Variants in LCA5L observed in about 807,000 individuals in gnomAD.
The protein encoded by LCA5L is lebercilin-like protein.
LCA5L carries 35 observed loss-of-function variants against 45.4 expected under a neutral mutation model. That is an observed-to-expected ratio of 0.77 (90% CI 0.59 to 1.02). The LOEUF is 1.02. Among genes scored for constraint, LCA5L ranks in the 50% least tolerant of loss-of-function variants. The pLI, the probability that LCA5L is intolerant of heterozygous loss-of-function variation, is 0.00. For missense variants in LCA5L, 668 were observed against 761.6 expected (o/e 0.88, Z 1.45); for synonymous variants, 233 against 264.7 (o/e 0.88, Z 1.16).
chr21:39,426,952 C>CA (rs542286938), intron 5 of LCA5L, among the ~76,000 whole-genome samples: 68 of 152,196 alleles, frequency 4.5e-4, no homozygotes, highest in African/African-American at 1.5e-3. Flanking sequence ...CACATAGACA[C>CA]AAAAAAATGC....
chr21:39,411,095 T>C (rs2040019088), intron 8 of LCA5L: 2 of 343,656 alleles, frequency 5.8e-6, no homozygotes, highest in African/African-American at 2.2e-5. Flanking sequence ...AACACTATGC[T>C]GAACAAAAGC....
At chr21:39,437,251 T>C (rs986850945) in intron 2 of LCA5L, among the ~76,000 whole-genome samples, 2 of 152,182 alleles carry the variant, frequency 1.3e-5, no homozygotes, top group African/African-American at 4.8e-5. Flanking sequence ...TTAAGCTTAA[T>C]GGTGAAACAT....
chr21:39,406,205 CCT>C lies in LCA5L; in HGVS notation c.1688_1689del (p.Glu563GlyfsTer8), dbSNP rs1418528391. ...HSTGKHLSNR[E>X]EMELEHSDSG... The stretch of plus-strand genomic sequence containing the variant: ...CTGTCAGAATGCTCTAGCTCCATTT[CCT>C]CTCTGTTACTGAGATGCTTGCCTGT... On this transcript the variant is annotated frameshift_variant, in exon 11 of 11. Transcript: ENST00000288350. LOFTEE classifies it low-confidence loss of function (END_TRUNC). 3 of 1,614,132 alleles carry C rather than the reference CCT, an allele frequency of 1.9e-6. No individual in the cohort carries two copies. Among genetic ancestry groups the C allele is most frequent in the Admixed American group, 3.3e-5 (2 of 60,010 alleles).
At position 39,410,002 on chromosome 21, in the gene LCA5L, T is replaced by C; in HGVS notation, c.1259A>G (p.Glu420Gly). Residue 420 changes from glutamate (E) to glycine (G), a missense_variant, in exon 10 of 11, where the codon GAG (glutamate) becomes GGG (glycine). Coordinates refer to ENST00000288350, the MANE Select transcript of LCA5L (RefSeq NM_152505.4). Reference sequence around the variant, plus strand: ...ACCTTCATATTTTCTCTTAGAATCCTCTTGCTTTGGTAGTTTATTCACACA... The same window carrying C: ...ACCTTCATATTTTCTCTTAGAATCCCCTTGCTTTGGTAGTTTATTCACACA... ...PHCVNKLPKQEDSKRKYEDLS... is the reference protein window; with the variant it reads ...PHCVNKLPKQGDSKRKYEDLS... The C allele has an allele frequency of 6.4e-7, 1 of 1,571,210 alleles. No individual in the cohort carries two copies. The highest frequency in any genetic ancestry group is 8.7e-7 in the Non-Finnish European group (1 of 1,143,682).
At position 39,406,603 on chromosome 21, in the gene LCA5L, C is replaced by T; in HGVS notation, c.1292G>A (p.Gly431Glu). ...DSKRKYEDLS[G>E]EEKHLEVQIL... The stretch of plus-strand genomic sequence containing the variant: ...TTGGACTTCCAAATGTTTCTCTTCC[C>T]CTGATAAATCTATATTAGAAAAATA... Residue 431 changes from glycine (G) to glutamate (E), a missense_variant, in exon 11 of 11, where the codon GGG (glycine) becomes GAG (glutamate). Gly to Glu is a moderately conservative substitution (Grantham distance 98, BLOSUM62 -2). Coordinates refer to ENST00000288350, the MANE Select transcript of LCA5L (RefSeq NM_152505.4). 2.5e-6 allele frequency: 4 copies of T among 1,573,268 alleles called. No individual in the cohort carries two copies. Among genetic ancestry groups the T allele is most frequent in the South Asian group, 1.2e-5 (1 of 83,612 alleles).
chr21:39,423,391 T>A lies in LCA5L; in HGVS notation c.422A>T (p.His141Leu), dbSNP rs1339713864. Residue 141 changes from histidine to leucine, a missense_variant, in exon 6 of 11, where the codon CAT becomes CTT. Transcript: ENST00000288350. ...ATGAAGCCTTGCTGAGAGTATTCGA[T>A]GAGCCATAGCATCTCTTCTTTGGGC... ...MIAQRRDAMA[H>L]RILSARLHKI... 1 of 1,611,428 alleles carries A rather than the reference T, an allele frequency of 6.2e-7. No individual in the cohort carries two copies. The highest frequency in any genetic ancestry group is 1.7e-5 in the Admixed American group (1 of 59,966).
intron 7 of LCA5L, 22 bp from the exon 8 acceptor site, chr21:39,411,824 A>G (rs775123062): frequency 6.8e-5 from 94 of 1,377,548 alleles, no homozygotes; most frequent in Non-Finnish European, 8.9e-5. Flanking sequence ...CACAAAACCA[A>G]TTTTTCTATA....
chr21:39,437,526 C>T (rs962028187), intron 2 of LCA5L, among the ~76,000 whole-genome samples: 1 of 152,118 alleles, frequency 6.6e-6, no homozygotes, highest in Non-Finnish European at 1.5e-5. Context: ...GTAGCGTGAT[C>T]ACAGCTCACT....
In LCA5L at chr21:39,423,489, GC is replaced by G; in HGVS notation, c.323del (p.Gly108AlafsTer24). On this transcript the variant is annotated frameshift_variant and splice_region_variant, in exon 6 of 11. Transcript: ENST00000288350. LOFTEE classifies it high-confidence loss of function. ...YNVSKISQSK[G>X]QKEISVEKKH... ...TTTTTTCAACTGATATTTCCTTCTG[GC>G]CTGTGTAAGCAGAAAATCCAGTTTA... 6.5e-7 allele frequency: 1 copy of G among 1,541,966 alleles called. No homozygotes were observed. The highest frequency in any genetic ancestry group is 8.7e-7 in the Non-Finnish European group (1 of 1,155,472).
chr21:39,411,119 AG>A (rs761753617), intron 8 of LCA5L: 11 of 330,394 alleles, frequency 3.3e-5, no homozygotes, highest in Non-Finnish European at 6.5e-5. Context: ...CAGATACAAA[AG>A]GGTGCAGCTG....
chr21:39,442,266 T>C (rs903315340), intron 2 of LCA5L, among the ~76,000 whole-genome samples: 1 of 152,118 alleles, frequency 6.6e-6, no homozygotes, highest in African/African-American at 2.4e-5. Context: ...AGGAGGCCCA[T>C]GTGGCTGAAG....
In LCA5L at chr21:39,418,720, G is replaced by A. The variant is rs1035966031; in HGVS notation, c.975+1986C>T. On this transcript the variant is annotated intron_variant, in intron 7 of 10. Transcript: ENST00000288350. Reference sequence around the variant, plus strand: ...TTGCCATGTTGGTCAGGCTGGTCTCGAACTCCCAACCTCAGGTGATCTGCC... The same window carrying A: ...TTGCCATGTTGGTCAGGCTGGTCTCAAACTCCCAACCTCAGGTGATCTGCC... 7.3e-5 allele frequency among the ~76,000 whole-genome samples: 11 copies of A among 151,702 alleles called. 1 individual carries two copies. The highest frequency in any genetic ancestry group is 4.0e-4 in the East Asian group (2 of 4,998).
chr21:39,433,600 C>G (rs2075979532), intron 3 of LCA5L, among the ~76,000 whole-genome samples: 1 of 152,040 alleles, frequency 6.6e-6, no homozygotes, highest in Admixed American at 6.5e-5. Flanking sequence ...CTAATTGCTT[C>G]AGCACCGTTT....
chr21:39,444,911 G>A (rs1216727716), intron 1 of LCA5L, among the ~76,000 whole-genome samples: 3 of 152,082 alleles, frequency 2.0e-5, no homozygotes, highest in Non-Finnish European at 4.4e-5. Context: ...AGATGCCGTA[G>A]ACATCCAAGT....
chr21:39,424,137 C>T (rs1249564650), intron 5 of LCA5L, among the ~76,000 whole-genome samples: 5 of 152,018 alleles, frequency 3.3e-5, no homozygotes, highest in Non-Finnish European at 5.9e-5. Context: ...CTCAGCCTCC[C>T]GAGTAGCTGG....
intron 7 of LCA5L, among the ~76,000 whole-genome samples, chr21:39,416,562 G>T (rs1233440894): frequency 1.3e-5 from 2 of 152,150 alleles, no homozygotes; most frequent in African/African-American, 4.8e-5. Context: ...GGTGCTGGAG[G>T]TGTTCATTGC....
intron 2 of LCA5L, among the ~76,000 whole-genome samples, chr21:39,443,062 G>C (rs538226012): frequency 6.6e-6 from 1 of 152,306 alleles, no homozygotes; most frequent in South Asian, 2.1e-4. Flanking sequence ...TGAAATGGGG[G>C]CAGCAGTTTC....
intron 7 of LCA5L, among the ~76,000 whole-genome samples, chr21:39,414,742 C>CTCTCTCTGTGTGTG (rs1341489035): frequency 3.0e-5 from 3 of 99,176 alleles, no homozygotes; most frequent in African/African-American, 1.3e-4. Context: ...CTCTCTCTCT[C>CTCTCTCTGTGTGTG]TGTGTGTGTG....
rs1488825736 is a variant in LCA5L at position 39,420,841 on chromosome 21, G to A, written c.840C>T (p.Ser280=). The change falls in exon 7 of 11, where the codon AGC becomes AGT. Residue 280 remains serine, a splice_region_variant and synonymous_variant. Transcript: ENST00000288350. ...KMDANDKKIQ[S]LEKQLRLNCR... ...AGTTCAACCTCAGTTGTTTTTCCAAGCTCTGAAAACAGTATATATTATAAC... is the reference window on the plus strand; with the variant it reads ...AGTTCAACCTCAGTTGTTTTTCCAAACTCTGAAAACAGTATATATTATAAC... 4 of 1,611,878 alleles carry A rather than the reference G, an allele frequency of 2.5e-6. No individual in the cohort carries two copies. Among genetic ancestry groups the A allele is most frequent in the Non-Finnish European group, 3.4e-6 (4 of 1,178,322 alleles).
Sources: allele counts gnomAD v4.1 joint callset (sites outside exome capture counted in the v4.1 genomes callset), GRCh38; gene constraint gnomAD v4.1.1; transcripts MANE v1.5; gene names NCBI Gene and HGNC (gene_info 2026-07-23, HGNC 2026-07-21).